PDE1C: variants seen among roughly 807,000 people sequenced by gnomAD.
PDE1C encodes dual specificity calcium/calmodulin-dependent 3',5'-cyclic nucleotide phosphodiesterase 1C.
Under a neutral mutation model 93.1 loss-of-function variants are expected in PDE1C, and 62 were observed. That is an observed-to-expected ratio of 0.67 (90% CI 0.54 to 0.82). The LOEUF is 0.82. PDE1C is among the 40% of genes least tolerant of loss of function. The pLI, the probability that PDE1C is intolerant of heterozygous loss-of-function variation, is 0.00. For synonymous variants in PDE1C, 325 were observed against 310.1 expected (o/e 1.05, Z -0.50); for missense variants, 742 against 884.6 (o/e 0.84, Z 2.04).
intron 17 of PDE1C, among the ~76,000 whole-genome samples, chr7:31,763,968 T>C (rs182864158): frequency 6.7e-6 from 1 of 148,596 alleles, no homozygotes; most frequent in Non-Finnish European, 1.5e-5. Flanking sequence ...TGAAAATATA[T>C]ATATTATGTA....
chr7:31,827,744 T>G (rs753348923), intron 12 of PDE1C, among the ~76,000 whole-genome samples: 1 of 152,144 alleles, frequency 6.6e-6, no homozygotes, highest in Non-Finnish European at 1.5e-5. Context: ...AGATGAAGAT[T>G]TTTAAAATGC....
chr7:32,382,553 A>G (rs1316945663), intron 1 of PDE1C, among the ~76,000 whole-genome samples: 1 of 152,120 alleles, frequency 6.6e-6, no homozygotes, highest in Non-Finnish European at 1.5e-5. Flanking sequence ...TCTCATGCCA[A>G]GCTCAGTCTG....
chr7:32,072,105 A>G (rs971771700), upstream of PDE1C, among the ~76,000 whole-genome samples: 23 of 152,232 alleles, frequency 1.5e-4, no homozygotes, highest in African/African-American at 5.1e-4. Flanking sequence ...TAACAAAGGA[A>G]TAAAATGGTC....
intron 2 of PDE1C, among the ~76,000 whole-genome samples, chr7:31,907,448 G>A (rs151243784): frequency 1.3e-5 from 2 of 152,292 alleles, no homozygotes; most frequent in East Asian, 3.9e-4. Flanking sequence ...GAGCCTAACA[G>A]AGTTATATGA....
the PDE1C span, among the ~76,000 whole-genome samples, chr7:31,741,838 G>C: frequency 1.3e-5 from 2 of 152,184 alleles, no homozygotes; most frequent in South Asian, 4.1e-4. Flanking sequence ...GAAGATACTG[G>C]GGAGGGAGGC....
intron 1 of PDE1C, among the ~76,000 whole-genome samples, chr7:32,056,422 GTTTCTGT>G (rs1794118266): frequency 7.3e-6 from 1 of 137,684 alleles, no homozygotes; most frequent in Non-Finnish European, 1.5e-5. Flanking sequence ...TCTGTTTGTC[GTTTCTGT>G]TTTTCTAAGG....
At chr7:31,759,016 C>G (rs1794662223) in intron 17 of PDE1C, among the ~76,000 whole-genome samples, 1 of 151,938 alleles carries the variant, frequency 6.6e-6, no homozygotes, top group Non-Finnish European at 1.5e-5. Context: ...AGAACAAAAC[C>G]TCTCCTTGCC....
At chr7:32,305,797 C>T (rs1365659519) in intron 1 of PDE1C, among the ~76,000 whole-genome samples, 1 of 152,230 alleles carries the variant, frequency 6.6e-6, no homozygotes, top group African/African-American at 2.4e-5. Flanking sequence ...GGAAAGGGTA[C>T]CCTTCTCCAA....
chr7:32,287,696 G>A (rs1299083213), intron 1 of PDE1C, among the ~76,000 whole-genome samples: 1 of 152,222 alleles, frequency 6.6e-6, no homozygotes, highest in Non-Finnish European at 1.5e-5. Flanking sequence ...CAAAGGCCAG[G>A]TCATGGAAGG....
intron 2 of PDE1C, among the ~76,000 whole-genome samples, chr7:31,921,488 A>G (rs540663175): frequency 6.6e-6 from 1 of 152,166 alleles, no homozygotes; most frequent in Admixed American, 6.5e-5. Flanking sequence ...GGTCAGTTCT[A>G]TATGGTGTTA....
chr7:31,835,572 T>C lies in PDE1C; in HGVS notation c.1203+1608A>G, dbSNP rs150660441. ...TGTGTGTGTGCGTGCATGTGCACCATAGACAGAGTGAAGGAAATGCCTTGC... is the reference window on the plus strand; with the variant it reads ...TGTGTGTGTGCGTGCATGTGCACCACAGACAGAGTGAAGGAAATGCCTTGC... On this transcript the variant is annotated intron_variant, in intron 11 of 17. Coordinates refer to ENST00000396191, the MANE Select transcript of PDE1C (RefSeq NM_001191057.4). Among the ~76,000 whole-genome samples, 90 of 151,148 alleles carry C rather than the reference T, an allele frequency of 6.0e-4. No individual in the cohort carries two copies. In the Middle Eastern group the frequency reaches 0.01, roughly 17 times the overall value.
At chr7:32,402,691 TA>T (rs1304273506) in intron 1 of PDE1C, among the ~76,000 whole-genome samples, 1 of 152,178 alleles carries the variant, frequency 6.6e-6, no homozygotes, top group Non-Finnish European at 1.5e-5. Flanking sequence ...AGTTAACACA[TA>T]AAATTCACCA....
intron 1 of PDE1C, among the ~76,000 whole-genome samples, chr7:32,261,087 G>C (rs189728964): frequency 3.3e-4 from 50 of 152,158 alleles, no homozygotes; most frequent in African/African-American, 1.0e-3. Flanking sequence ...TCCAGCCTGG[G>C]CAACAGAGCG....
At chr7:32,067,586 A>C (rs1166291576) in intron 1 of PDE1C, among the ~76,000 whole-genome samples, 1 of 152,164 alleles carries the variant, frequency 6.6e-6, no homozygotes, top group Non-Finnish European at 1.5e-5. Context: ...AGTGTGAAAG[A>C]GGGGCTATAA....
intron 1 of PDE1C, among the ~76,000 whole-genome samples, chr7:32,327,596 G>A (rs1303352102): frequency 1.3e-5 from 2 of 152,006 alleles, no homozygotes; most frequent in Admixed American, 6.6e-5. Flanking sequence ...GTGAAACCTT[G>A]TCTCTACTAA....
intron 1 of PDE1C, among the ~76,000 whole-genome samples, chr7:32,284,532 C>A (rs1461340243): frequency 6.6e-6 from 1 of 152,146 alleles, no homozygotes; most frequent in Non-Finnish European, 1.5e-5. Context: ...AAGTCTTGAC[C>A]AATGCAAGAG....
intron 1 of PDE1C, among the ~76,000 whole-genome samples, chr7:32,346,401 G>A (rs1160447228): frequency 2.0e-5 from 3 of 152,248 alleles, no homozygotes; most frequent in Non-Finnish European, 4.4e-5. Context: ...ACCTGGTTCA[G>A]CTTCCCTGGC....
the PDE1C span, among the ~76,000 whole-genome samples, chr7:31,637,699 T>G: frequency 1.3e-5 from 2 of 152,340 alleles, no homozygotes; most frequent in African/African-American, 4.8e-5. Flanking sequence ...TTGTTCACTC[T>G]GATGGTAGTT....
intron 1 of PDE1C, among the ~76,000 whole-genome samples, chr7:32,288,823 A>G (rs898017646): frequency 6.6e-6 from 1 of 152,236 alleles, no homozygotes; most frequent in Non-Finnish European, 1.5e-5. Flanking sequence ...AGAGAAAAAC[A>G]ATGCCAGCTT....
Sources: gnomAD v4.1 joint callset for allele counts (sites outside exome capture counted in the v4.1 genomes callset) on GRCh38, gnomAD v4.1.1 for gene constraint, MANE v1.5 for transcripts, NCBI Gene and HGNC (gene_info 2026-07-23, HGNC 2026-07-21) for gene names.